Variants in ETV4 observed in about 807,000 individuals in gnomAD.
The protein encoded by ETV4 is ETS translocation variant 4.
Under a neutral mutation model 65.9 loss-of-function variants are expected in ETV4, and 42 were observed. That is an observed-to-expected ratio of 0.64 (90% CI 0.50 to 0.82). The LOEUF (loss-of-function observed/expected upper bound fraction) is 0.82, where lower values mean the gene tolerates loss of function less well. Among genes scored for constraint, ETV4 ranks in the 40% least tolerant of loss-of-function variants. The probability of loss-of-function intolerance (pLI) is 0.00; values close to 1 mark genes in which losing one functional copy is unlikely to be tolerated. For missense variants in ETV4, 583 were observed against 630.3 expected, an observed-to-expected ratio of 0.92 and a Z score of 0.80; for synonymous variants, 238 against 260.0, an observed-to-expected ratio of 0.92 and a Z score of 0.81.
Position 43,532,663 on chromosome 17 carries a change from C to T in ETV4, c.811+11G>A, listed in dbSNP as rs1363173747. On this transcript the variant is annotated intron_variant, in intron 8 of 12. Transcript: ENST00000319349. ...GATCACATGCCACCCTGCCCCACCC[C>T]AGTCTCTTACCTGAGTCGTAGGCGA... is the stretch of plus-strand genomic sequence containing the variant. 1 of 1,604,972 alleles carries T rather than the reference C, an allele frequency of 6.2e-7. No individual in the cohort carries two copies. Among genetic ancestry groups the T allele is most frequent in the Non-Finnish European group, 8.5e-7 (1 of 1,173,126 alleles).
At chr17:43,545,792 G>A in intron 1 of ETV4, 124 bp from the exon 2 acceptor site, 2 of 619,910 alleles carry the variant, frequency 3.2e-6, no homozygotes, top group Admixed American at 2.9e-5. Flanking sequence ...GGGCGATGGC[G>A]AGGTTTCCGC....
chr17:43,536,000 A>G (rs111813501), intron 5 of ETV4, among the ~76,000 whole-genome samples: 2 of 152,126 alleles, frequency 1.3e-5, no homozygotes, highest in African/African-American at 4.8e-5. Flanking sequence ...AATCCCAGCT[A>G]CTCTGGAAGC....
chr17:43,541,362 G>GTTAAC (rs1412262503), intron 4 of ETV4, among the ~76,000 whole-genome samples: 2 of 152,230 alleles, frequency 1.3e-5, no homozygotes, highest in African/African-American at 4.8e-5. Flanking sequence ...GCTGAGTCTT[G>GTTAAC]GCTGCCAAGC....
At chr17:43,540,806 G>T (rs1270377643) in intron 4 of ETV4, among the ~76,000 whole-genome samples, 1 of 152,174 alleles carries the variant, frequency 6.6e-6, no homozygotes, top group Non-Finnish European at 1.5e-5. Flanking sequence ...GGAAGCTGGG[G>T]TGATGGGAGC....
chr17:43,532,724 C>T lies in ETV4; in HGVS notation c.761G>A (p.Gly254Glu). 6.2e-7 allele frequency: 1 copy of T among 1,614,076 alleles called. No homozygotes were observed. Among genetic ancestry groups the T allele is most frequent in the Non-Finnish European group, 8.5e-7 (1 of 1,179,978 alleles). ...TTCCTGTTTGATCACCACCCCCGCCCCTGGGTACCTGTGCCCATTGACCCC... is the reference window on the plus strand; with the variant it reads ...TTCCTGTTTGATCACCACCCCCGCCTCTGGGTACCTGTGCCCATTGACCCC... The part of the protein sequence containing the change: ...QGGVNGHRYP[G>E]AGVVIKQEQT... The change falls in exon 8 of 13, where the codon GGG (glycine) becomes GAG (glutamate). Residue 254 changes from glycine to glutamate, a missense_variant. Gly to Glu is a moderately conservative substitution (Grantham distance 98). Transcript: ENST00000319349.
In ETV4 at chr17:43,536,117, AAAAC is replaced by A. The variant is rs113078365; in HGVS notation, c.256+305_256+308del. 0.22 allele frequency among the ~76,000 whole-genome samples: 33,361 copies of A among 151,608 alleles called. 3,921 individuals are homozygous for A. Among genetic ancestry groups the A allele is most frequent in the East Asian group, 0.32 (1,645 of 5,126 alleles). ...CAGAGCAAGACTCTGTCTTGGGGGG[AAAAC>A]AAACAAACAAACAAACAAACAACAC... On this transcript the variant is annotated intron_variant, in intron 5 of 12. Coordinates refer to ENST00000319349, the MANE Select transcript of ETV4 (RefSeq NM_001079675.5).
intron 8 of ETV4, 83 bp downstream of exon 8, chr17:43,532,591 G>T: frequency 1.6e-6 from 2 of 1,279,866 alleles, no homozygotes; most frequent in Non-Finnish European, 2.2e-6. Context: ...ATGGTAAACA[G>T]CAATGTAAAA....
At chr17:43,540,601 G>A (rs1393037497) in intron 4 of ETV4, among the ~76,000 whole-genome samples, 1 of 152,136 alleles carries the variant, frequency 6.6e-6, no homozygotes, top group Non-Finnish European at 1.5e-5. Flanking sequence ...GAGTGCAGTG[G>A]CACAATCAGA....
intron 4 of ETV4, among the ~76,000 whole-genome samples, chr17:43,540,707 C>T (rs1336220849): frequency 1.3e-5 from 2 of 152,122 alleles, no homozygotes; most frequent in Non-Finnish European, 2.9e-5. Flanking sequence ...GGGTAAGAGG[C>T]CAAATCTGTC....
In ETV4 at chr17:43,542,411, G is replaced by A. The variant is rs376376285; in HGVS notation, c.202+2564C>T. ...TAGACAACAAAGTCATTTTCCCCAA[G>A]GATTCAGGGCTCCTGACAAGCCTGG... On this transcript the variant is annotated intron_variant, in intron 4 of 12. Coordinates refer to ENST00000319349, the MANE Select transcript of ETV4 (RefSeq NM_001079675.5). Among the ~76,000 whole-genome samples the A allele has an allele frequency of 5.9e-5, 9 of 152,180 alleles. No homozygotes were observed. In the East Asian group the frequency reaches 9.7e-4, roughly 16 times the overall value.
At chr17:43,543,788 T>A (rs55955027) in intron 4 of ETV4, 38,993 of 152,154 alleles carry the variant, frequency 0.26, 5,632 homozygotes, top group East Asian at 0.32. Flanking sequence ...TCAGCCATTA[T>A]TTCCACAAAA....
intron 1 of ETV4, 116 bp from the exon 2 acceptor site, chr17:43,545,784 G>A (rs1971792664): frequency 1.6e-6 from 1 of 628,554 alleles, no homozygotes. Flanking sequence ...ACTCACTGGG[G>A]CGATGGCGAG....
chr17:43,528,462 C>A lies in ETV4; in HGVS notation c.*57G>T. The stretch of plus-strand genomic sequence containing the variant: ...ATGAAGGTTTCCCCAACACCAGATT[C>A]ATTTATATGTACACAGGGCAGCACC... On this transcript the variant is annotated 3_prime_UTR_variant, in exon 13 of 13. Coordinates refer to ENST00000319349, the MANE Select transcript of ETV4 (RefSeq NM_001079675.5). 1 of 1,200,456 alleles carries A rather than the reference C, an allele frequency of 8.3e-7. No individual in the cohort carries two copies. Among genetic ancestry groups the A allele is most frequent in the East Asian group, 2.4e-5 (1 of 41,230 alleles). The allele number at this position is 1,200,456 out of a possible 1,614,324, so 74.4% of individuals were successfully genotyped here.
chr17:43,528,462 C>CATTT lies in ETV4; in HGVS notation c.*53_*56dup. 1 of 1,200,456 alleles carries CATTT rather than the reference C, an allele frequency of 8.3e-7. No homozygotes were observed. 74.4% of individuals were successfully genotyped at this position (1,200,456 alleles called of 1,614,324 possible). ...ATGAAGGTTTCCCCAACACCAGATT[C>CATTT]ATTTATATGTACACAGGGCAGCACC... is the stretch of plus-strand genomic sequence containing the variant. On this transcript the variant is annotated 3_prime_UTR_variant, in exon 13 of 13. Transcript: ENST00000319349.
chr17:43,528,110 C>T lies in ETV4; in HGVS notation c.*409G>A, dbSNP rs1005198630. On this transcript the variant is annotated 3_prime_UTR_variant, in exon 13 of 13. Coordinates refer to ENST00000319349, the MANE Select transcript of ETV4 (RefSeq NM_001079675.5). ...TGGGGCAGAGTCCAGGCTTCTGTCT[C>T]CCCGCAGTGGGAGATCTGGGGAGCT... 3.4e-5 allele frequency: 8 copies of T among 238,524 alleles called. No individual in the cohort carries two copies. The highest frequency in any genetic ancestry group is 5.8e-5 in the Non-Finnish European group (7 of 121,632). The allele number at this position is 238,524 out of a possible 1,614,324, so 14.8% of individuals were successfully genotyped here.
At position 43,536,474 on chromosome 17, in the gene ETV4, C is replaced by A; in HGVS notation, c.208G>T (p.Val70Leu). 1 of 1,614,206 alleles carries A rather than the reference C, an allele frequency of 6.2e-7. No homozygotes were observed. Residue 70 changes from valine (V) to leucine (L), a missense_variant, in exon 5 of 13, where the codon GTA (valine) becomes TTA (leucine). By Grantham distance (32) the Val-to-Leu change is conservative. Coordinates refer to ENST00000319349, the MANE Select transcript of ETV4 (RefSeq NM_001079675.5). ...FQETWLAEAQ[V>L]PDSDEQFVPD... ...ACAAACTGCTCATCACTGTCTGGTA[C>A]CTGAGCTGCAGAGAGAAGTCAGAGG...
chr17:43,538,188 T>C (rs72833142), intron 4 of ETV4, among the ~76,000 whole-genome samples: 31,953 of 148,862 alleles, frequency 0.21, 3,833 homozygotes, highest in East Asian at 0.32. Flanking sequence ...ACGCCTGTAA[T>C]CCCAACTATT....
At position 43,534,106 on chromosome 17, in the gene ETV4, C is replaced by G. The variant is rs555968957; in HGVS notation, c.257-121G>C. The G allele has an allele frequency of 6.2e-5, 69 of 1,113,814 alleles. 2 individuals carry two copies. In the Admixed American group the frequency reaches 2.6e-3, roughly 41 times the overall value. The allele number at this position is 1,113,814 out of a possible 1,614,324, so 69.0% of individuals were successfully genotyped here. ...TGACTGGTACAGCCTCCTTCCCTCT[C>G]TGGGTATCAATTTTCTGAGACCCGC... On this transcript the variant is annotated intron_variant, in intron 5 of 12. Coordinates refer to ENST00000319349, the MANE Select transcript of ETV4 (RefSeq NM_001079675.5).
At chr17:43,533,032 G>T (rs1005200759) in intron 7 of ETV4, 93 bp from the exon 8 acceptor site, 3 of 1,503,870 alleles carry the variant, frequency 2.0e-6, no homozygotes, top group African/African-American at 2.8e-5. Flanking sequence ...GTGGGCTCCG[G>T]AATGGGGGGT....
Sources: gnomAD v4.1 joint callset for allele counts (sites outside exome capture counted in the v4.1 genomes callset) on GRCh38, gnomAD v4.1.1 for gene constraint, MANE v1.5 for transcripts, NCBI Gene and HGNC (gene_info 2026-07-23, HGNC 2026-07-21) for gene names.